Variants in LTBP1 observed in about 807,000 individuals in gnomAD.
LTBP1 encodes the protein latent transforming growth factor beta binding protein 1, also known as latent-transforming growth factor beta-binding protein 1.
A neutral mutation model predicts 207.6 loss-of-function variants in LTBP1; 129 were observed. That is an observed-to-expected ratio of 0.62 (90% CI 0.54 to 0.72). The LOEUF (loss-of-function observed/expected upper bound fraction) is 0.72. LTBP1 is among the 30% of genes least tolerant of loss of function. The pLI is 0.00. For missense variants in LTBP1, 2,281 were observed against 2,217.2 expected (o/e 1.03, Z -0.58); for synonymous variants, 963 against 833.7 (o/e 1.16, Z -2.67).
chr2:33,319,541 A>T (rs1170236964), intron 24 of LTBP1, among the ~76,000 whole-genome samples: 1 of 152,152 alleles, frequency 6.6e-6, no homozygotes, highest in Admixed American at 6.5e-5. Flanking sequence ...GTCTGTCCCC[A>T]TGGCCCATGG....
At chr2:33,024,810 AC>A (rs2075337640) in intron 3 of LTBP1, among the ~76,000 whole-genome samples, 1 of 152,154 alleles carries the variant, frequency 6.6e-6, no homozygotes, top group South Asian at 2.1e-4. Flanking sequence ...GTAACAAATC[AC>A]CCCAAAACTT....
intron 2 of LTBP1, among the ~76,000 whole-genome samples, chr2:32,995,006 G>A (rs576221134): frequency 2.6e-5 from 4 of 152,086 alleles, no homozygotes; most frequent in African/African-American, 9.7e-5. Context: ...CCTGGACAAC[G>A]CAGAGAAACC....
At chr2:33,098,335 G>T (rs1169862443) in intron 3 of LTBP1, among the ~76,000 whole-genome samples, 1 of 152,116 alleles carries the variant, frequency 6.6e-6, no homozygotes, top group South Asian at 2.1e-4. Flanking sequence ...TTATCACTTT[G>T]TGGGAAACTT....
chr2:33,289,691 GT>G, intron 19 of LTBP1, among the ~76,000 whole-genome samples: 1 of 152,164 alleles, frequency 6.6e-6, no homozygotes, highest in South Asian at 2.1e-4. Flanking sequence ...TATCAACACT[GT>G]TTTTTATTAT....
At chr2:33,253,258 A>C (rs922594800) in intron 11 of LTBP1, among the ~76,000 whole-genome samples, 2 of 152,138 alleles carry the variant, frequency 1.3e-5, no homozygotes, top group African/African-American at 4.8e-5. Context: ...TATCGTGCTT[A>C]ATTTCTTTAA....
chr2:33,201,439 G>A (rs1166740988), intron 7 of LTBP1, among the ~76,000 whole-genome samples: 2 of 150,674 alleles, frequency 1.3e-5, no homozygotes, highest in Admixed American at 6.6e-5. Context: ...GAGAACACAT[G>A]GACACAGGAA....
At position 33,203,372 on chromosome 2, in the gene LTBP1, ACTG is replaced by A. The variant is rs373837699; in HGVS notation, c.1702-14177_1702-14175del. Among the ~76,000 whole-genome samples, 1,234 of 152,358 alleles carry A rather than the reference ACTG, an allele frequency of 8.1e-3. 12 individuals carry two copies. The highest frequency in any genetic ancestry group is 0.027 in the African/African-American group (1,141 of 41,588). ...TGGGCTCCTGCCAGTGGAGAGGAGA[ACTG>A]CTCGTTTTACTTGGATTGAGAATGT... On this transcript the variant is annotated intron_variant, in intron 7 of 33. Coordinates refer to ENST00000404816, the MANE Select transcript of LTBP1 (RefSeq NM_206943.4).
chr2:33,148,046 C>G (rs897428045), intron 5 of LTBP1, among the ~76,000 whole-genome samples: 1 of 152,174 alleles, frequency 6.6e-6, no homozygotes, highest in Non-Finnish European at 1.5e-5. Flanking sequence ...ATAGTCTGCA[C>G]AATATCTCAG....
chr2:33,179,823 T>C (rs976115166), intron 5 of LTBP1, among the ~76,000 whole-genome samples: 1 of 152,078 alleles, frequency 6.6e-6, no homozygotes, highest in Non-Finnish European at 1.5e-5. Context: ...TCTGCCTGGG[T>C]CCTAAGTTTT....
chr2:33,170,573 G>A (rs1252393340), intron 5 of LTBP1, among the ~76,000 whole-genome samples: 1 of 152,170 alleles, frequency 6.6e-6, no homozygotes, highest in Non-Finnish European at 1.5e-5. Context: ...CTCCACCTCT[G>A]GGGGCAGGGC....
chr2:33,225,599 C>G (rs547106471), intron 9 of LTBP1, among the ~76,000 whole-genome samples: 184 of 152,272 alleles, frequency 1.2e-3, no homozygotes, highest in African/African-American at 4.3e-3. Flanking sequence ...AGACTTGTCC[C>G]CATGATTCAT....
At chr2:33,360,560 T>C (rs745572777) in intron 26 of LTBP1, 37 bp from the exon 27 acceptor site, 1 of 1,382,426 alleles carries the variant, frequency 7.2e-7, no homozygotes, top group Non-Finnish European at 1.0e-6. Flanking sequence ...AGTTCTGATG[T>C]GTCCTATTGT....
intron 5 of LTBP1, among the ~76,000 whole-genome samples, chr2:33,174,928 T>G (rs1261587300): frequency 1.3e-5 from 2 of 151,030 alleles, no homozygotes; most frequent in Non-Finnish European, 3.0e-5. Context: ...ATTTAATAAA[T>G]GGTGCTGGGA....
intron 18 of LTBP1, among the ~76,000 whole-genome samples, chr2:33,277,829 CTTTTTTTTTTTTTTTTT>C (rs199950784): frequency 1.2e-5 from 1 of 85,190 alleles, no homozygotes; most frequent in Non-Finnish European, 2.2e-5. Context: ...TTCTTTCTTT[CTTTTTTTTTTTTTTTTT>C]TTAAAGACAG....
Position 33,300,450 on chromosome 2 carries a change from G to A in LTBP1, c.3236-1G>A. ...AAAAATTGCCGTTGTTGTGTTTGCA[G>A]ATATTGATGAATGTCAGCAAGGGAA... On this transcript the variant is annotated splice_acceptor_variant, in intron 20 of 33. Transcript: ENST00000404816. LOFTEE classifies it high-confidence loss of function. 6.2e-7 allele frequency: 1 copy of A among 1,612,706 alleles called. No individual in the cohort carries two copies. The highest frequency in any genetic ancestry group is 8.5e-7 in the Non-Finnish European group (1 of 1,179,160).
At chr2:33,295,540 GATAATA>G (rs552076117) in intron 20 of LTBP1, among the ~76,000 whole-genome samples, 12 of 151,294 alleles carry the variant, frequency 7.9e-5, no homozygotes, top group Non-Finnish European at 1.8e-4. Context: ...TCTCAATGAT[GATAATA>G]ATAATAATAA....
intron 2 of LTBP1, among the ~76,000 whole-genome samples, chr2:32,952,161 C>G (rs1431411043): frequency 6.6e-6 from 1 of 152,156 alleles, no homozygotes; most frequent in Non-Finnish European, 1.5e-5. Context: ...TTGAGAAAGC[C>G]TGGATTGTTT....
At chr2:33,340,937 A>G (rs1020880585) in intron 24 of LTBP1, among the ~76,000 whole-genome samples, 1 of 152,228 alleles carries the variant, frequency 6.6e-6, no homozygotes, top group African/African-American at 2.4e-5. Context: ...AGTGATACAA[A>G]AAGTTTAATT....
At chr2:33,320,006 C>G (rs1222623086) in intron 24 of LTBP1, among the ~76,000 whole-genome samples, 1 of 152,132 alleles carries the variant, frequency 6.6e-6, no homozygotes, top group Non-Finnish European at 1.5e-5. Context: ...GGGGCCTTGT[C>G]AGTGAAGAAC....
Sources: gnomAD v4.1 joint callset for allele counts (sites outside exome capture counted in the v4.1 genomes callset) on GRCh38, gnomAD v4.1.1 for gene constraint, MANE v1.5 for transcripts, NCBI Gene and HGNC (gene_info 2026-07-23, HGNC 2026-07-21) for gene names.